Variants in ZC3H4 observed in about 807,000 individuals in gnomAD.
ZC3H4 encodes zinc finger CCCH domain-containing protein 4.
In ZC3H4, 13 loss-of-function variants were observed where a neutral mutation model predicts 108.3. The ratio of observed to expected loss-of-function variants is 0.12; its 90% CI spans 0.08 to 0.19. The LOEUF is 0.19. ZC3H4 is among the 10% of genes least tolerant of loss of function. The pLI, the probability that ZC3H4 is intolerant of heterozygous loss-of-function variation, is 1.00. For synonymous variants in ZC3H4, 917 were observed against 749.6 expected, an observed-to-expected ratio of 1.22 and a Z score of -3.65; for missense variants, 1,734 against 1,838.8, an observed-to-expected ratio of 0.94 and a Z score of 1.04.
chr19:47,099,741 T>C (rs1235830812), intron 2 of ZC3H4, among the ~76,000 whole-genome samples: 3 of 145,688 alleles, frequency 2.1e-5, no homozygotes, highest in Non-Finnish European at 4.5e-5. Context: ...CTTGGCAACA[T>C]GGCAGCTCTC....
intron 11 of ZC3H4, among the ~76,000 whole-genome samples, chr19:47,080,418 G>A (rs567956526): frequency 6.6e-6 from 1 of 152,280 alleles, no homozygotes; most frequent in East Asian, 1.9e-4. Context: ...TGCATAATGG[G>A]GGCCCTGAGA....
At chr19:47,077,861 C>CA (rs767129835) in intron 11 of ZC3H4, among the ~76,000 whole-genome samples, 1,788 of 72,312 alleles carry the variant, frequency 0.025, 27 homozygotes, top group South Asian at 0.12. Context: ...CCGTCTCAAA[C>CA]AAAAAAAAAA....
In ZC3H4 at chr19:47,072,022, G is replaced by GGGTGCATGTCC. The variant is rs765564405; in HGVS notation, c.1901_1902insGGACATGCACC (p.Asp639ThrfsTer24). The stretch of plus-strand genomic sequence containing the variant: ...CAGGGTGCATGTCCGGGTGCATGTC[G>GGGTGCATGTCC]GGGTGCATGTCAGGATGCATTGGAC... On this transcript the variant is annotated frameshift_variant, in exon 13 of 15. Coordinates refer to ENST00000253048, the MANE Select transcript of ZC3H4 (RefSeq NM_015168.2). LOFTEE classifies it high-confidence loss of function. The surrounding 1 kb of genome is among the most constrained non-coding windows in gnomAD (Gnocchi z 5.6). 1.3e-5 allele frequency: 21 copies of GGGTGCATGTCC among 1,588,366 alleles called. No individual in the cohort carries two copies. Among genetic ancestry groups the GGGTGCATGTCC allele is most frequent in the Middle Eastern group, 1.7e-4 (1 of 6,036 alleles).
chr19:47,069,936 C>T (rs957412726), intron 13 of ZC3H4, among the ~76,000 whole-genome samples: 1 of 152,228 alleles, frequency 6.6e-6, no homozygotes, highest in East Asian at 1.9e-4. Flanking sequence ...GGGGCCTCCA[C>T]CTCCTGCAGC....
intron 5 of ZC3H4, among the ~76,000 whole-genome samples, chr19:47,088,814 G>A (rs1326729066): frequency 1.3e-5 from 2 of 152,072 alleles, no homozygotes; most frequent in Non-Finnish European, 2.9e-5. Context: ...AAATATAAAC[G>A]ACATGGTGGC....
chr19:47,104,735 G>A lies in ZC3H4; in HGVS notation c.161+7689C>T, dbSNP rs569061423. ...GTGTGGCCCACAAGCTTCAGTTACT[G>A]TGACTGCTCTCGTTCCCCGTGGAGT... On this transcript the variant is annotated intron_variant, in intron 2 of 14. Coordinates refer to ENST00000253048, the MANE Select transcript of ZC3H4 (RefSeq NM_015168.2). Among the ~76,000 whole-genome samples, 17 of 152,352 alleles carry A rather than the reference G, an allele frequency of 1.1e-4. No individual in the cohort carries two copies. The South Asian group carries it at 3.5e-3, about 32-fold the overall frequency.
At chr19:47,096,013 G>A (rs1471094516) in intron 2 of ZC3H4, among the ~76,000 whole-genome samples, 2 of 152,200 alleles carry the variant, frequency 1.3e-5, no homozygotes, top group Admixed American at 1.3e-4. Flanking sequence ...TCCAGGGCAT[G>A]TGGCAGACTC....
rs775867721 is a variant in ZC3H4 at position 47,066,716 on chromosome 19, C to T, written c.3552G>A (p.Lys1184=). The stretch of plus-strand genomic sequence containing the variant: ...TGCGGACGAACGGGGGCTCCTTAGC[C>T]TTGGAGGCCGAGCTCTTGCCATTGC... ...AEGNGKSSAS[K]AKEPPFVRKS... Residue 1184 remains lysine, a synonymous_variant, in exon 15 of 15, where the codon AAG becomes AAA. Transcript: ENST00000253048. 1.9e-6 allele frequency: 3 copies of T among 1,608,142 alleles called. No homozygotes were observed. The highest frequency in any genetic ancestry group is 2.7e-5 in the African/African-American group (2 of 74,926).
chr19:47,090,244 A>G lies in ZC3H4; in HGVS notation c.493-55T>C. 1.9e-6 allele frequency: 3 copies of G among 1,587,790 alleles called. No individual in the cohort carries two copies. The Admixed American group carries it at 5.1e-5, about 27-fold the overall frequency. ...AGCCGGATCCCACAGCCGTGGGTGC[A>G]GACTACCAAGATACCCAGGGTTCCC... On this transcript the variant is annotated intron_variant, in intron 4 of 14. Coordinates refer to ENST00000253048, the MANE Select transcript of ZC3H4 (RefSeq NM_015168.2).
intron 9 of ZC3H4, 87 bp downstream of exon 9, chr19:47,084,258 T>G (rs1253831726): frequency 2.4e-6 from 3 of 1,270,416 alleles, no homozygotes; most frequent in Non-Finnish European, 3.4e-6. Flanking sequence ...CCACCCACCC[T>G]CACCACGGCT....
intron 2 of ZC3H4, among the ~76,000 whole-genome samples, chr19:47,106,457 A>C (rs1165644332): frequency 1.3e-5 from 2 of 152,090 alleles, no homozygotes; most frequent in Admixed American, 1.3e-4. Context: ...TGTCTCAATA[A>C]AAGAGAAAAA....
At position 47,085,104 on chromosome 19, in the gene ZC3H4, G is replaced by A. The variant is rs1398174205; in HGVS notation, c.1059C>T (p.Asn353=). Residue 353 remains asparagine, a synonymous_variant, in exon 8 of 15, where the codon AAC becomes AAT. Transcript: ENST00000253048. ...CTTCGTCATCGTTCATTCCGCCCTT[G>A]TTCATCCCTCCTCGGCTGCCACCTC... ...RGRGGSRGGM[N]KGGMNDDEDF... 1.2e-6 allele frequency: 2 copies of A among 1,614,220 alleles called. No individual in the cohort carries two copies. Among genetic ancestry groups the A allele is most frequent in the African/African-American group, 2.7e-5 (2 of 75,070 alleles).
chr19:47,087,298 A>AC (rs145447279), intron 5 of ZC3H4, among the ~76,000 whole-genome samples: 2,158 of 34,758 alleles, frequency 0.062, 28 homozygotes, highest in Middle Eastern at 0.19. Flanking sequence ...ACACACACAC[A>AC]AAAAAAAACC....
rs1458643404 is a variant in ZC3H4 at position 47,065,164 on chromosome 19, T to TG, written c.*1191dup. 3.3e-5 allele frequency: 5 copies of TG among 152,146 alleles called. No homozygotes were observed. The highest frequency in any genetic ancestry group is 7.3e-5 in the Non-Finnish European group (5 of 68,048). 9.4% of individuals were successfully genotyped at this position (152,146 alleles called of 1,614,324 possible). A position where few individuals can be genotyped will look rare whatever the true frequency, so the allele number is the denominator to read the frequency against. On this transcript the variant is annotated 3_prime_UTR_variant, in exon 15 of 15. Transcript: ENST00000253048. ...CTGGCCCTCAGCCAGGGTGGGAGCA[T>TG]GGGGGGAGCAGAGGCTCCCCATCCC...
intron 11 of ZC3H4, among the ~76,000 whole-genome samples, chr19:47,079,824 T>G (rs187178140): frequency 6.6e-6 from 1 of 152,030 alleles, no homozygotes; most frequent in African/African-American, 2.4e-5. Context: ...GAGGTAGAGG[T>G]TGCAGGGAGC....
intron 5 of ZC3H4, 134 bp from the exon 6 acceptor site, chr19:47,086,672 AAGAAGCCTTCCT>A: frequency 4.2e-6 from 6 of 1,412,168 alleles, no homozygotes; most frequent in Non-Finnish European, 5.5e-6. Context: ...CTCCTCCTCC[AAGAAGCCTTCCT>A]AGATGCCCCA....
At position 47,107,647 on chromosome 19, in the gene ZC3H4, G is replaced by A. The variant is rs142290256; in HGVS notation, c.161+4777C>T. On this transcript the variant is annotated intron_variant, in intron 2 of 14. Transcript: ENST00000253048. ...CTATGCTCTCAGCAAATAATCCTGCGTTCTGTTAAGAAAAAAAAAAAAAAA... is the reference window on the plus strand; with the variant it reads ...CTATGCTCTCAGCAAATAATCCTGCATTCTGTTAAGAAAAAAAAAAAAAAA... Among the ~76,000 whole-genome samples the A allele has an allele frequency of 1.8e-4, 26 of 144,518 alleles. No homozygotes were observed. The East Asian group carries it at 3.2e-3, about 18-fold the overall frequency. The allele number at this position is 144,518 out of a possible 152,430, so 94.8% of individuals were successfully genotyped here. A position where few individuals can be genotyped will look rare whatever the true frequency, so the allele number is the denominator to read the frequency against.
rs899177141 is a variant in ZC3H4, at chr19:47,108,246, C to G, written c.161+4178G>C. ...CTGTCACTCAACTCTCGGTGTGAAT[C>G]GGACCCAGTTGCTCTGGCACTAGAA... On this transcript the variant is annotated intron_variant, in intron 2 of 14. Transcript: ENST00000253048. Among the ~76,000 whole-genome samples, 27 of 152,168 alleles carry G rather than the reference C, an allele frequency of 1.8e-4. 1 individual carries two copies. Among genetic ancestry groups the G allele is most frequent in the South Asian group, 2.1e-4 (1 of 4,822 alleles).
intron 2 of ZC3H4, among the ~76,000 whole-genome samples, chr19:47,098,308 G>A (rs778478121): frequency 2.0e-5 from 3 of 152,166 alleles, no homozygotes; most frequent in Middle Eastern, 3.4e-3. Flanking sequence ...TGGCCAACAC[G>A]GCAAAACCTT....
Sources: allele counts gnomAD v4.1 joint callset (sites outside exome capture counted in the v4.1 genomes callset), GRCh38; gene constraint gnomAD v4.1.1; non-coding constraint Gnocchi (gnomAD v3.1); transcripts MANE v1.5; gene names NCBI Gene and HGNC (gene_info 2026-07-23, HGNC 2026-07-21).